SH3BP2: variants seen among roughly 807,000 people sequenced by gnomAD.
SH3BP2 encodes SH3 domain binding protein 2, also known as SH3 domain-binding protein 2.
Under a neutral mutation model 56.2 loss-of-function variants are expected in SH3BP2, and 38 were observed. The observed-to-expected ratio is 0.68, with a 90% confidence interval of 0.52 to 0.89. SH3BP2 has a LOEUF of 0.89. Ranked by LOEUF, SH3BP2 falls within the 40% of genes least tolerant of loss-of-function variation. SH3BP2 has a pLI of 0.00. For synonymous variants in SH3BP2, 346 were observed against 316.7 expected (o/e 1.09, Z -0.98); for missense variants, 748 against 762.6 (o/e 0.98, Z 0.23).
intron 1 of SH3BP2, chr4:2,812,302 G>C: frequency 1.3e-6 from 2 of 1,548,546 alleles, no homozygotes. Flanking sequence ...GAAGCAGCAG[G>C]AGTGAGCTGT....
intron 1 of SH3BP2, among the ~76,000 whole-genome samples, chr4:2,808,747 C>A (rs1441582472): frequency 1.3e-5 from 2 of 151,842 alleles, no homozygotes; most frequent in Non-Finnish European, 2.9e-5. Flanking sequence ...CTGGGGGTGC[C>A]CGCCTTCCCC....
intron 1 of SH3BP2, among the ~76,000 whole-genome samples, chr4:2,808,004 G>A (rs1291503037): frequency 6.6e-6 from 1 of 152,226 alleles, no homozygotes; most frequent in Non-Finnish European, 1.5e-5. Flanking sequence ...AGTGGAGCCT[G>A]CAGTTCATCC....
Position 2,831,515 on chromosome 4 carries a change from G to A in SH3BP2, c.1242-56G>A. On this transcript the variant is annotated intron_variant, in intron 8 of 12. Transcript: ENST00000503393. This position sits in a 1 kb window ranked among gnomAD's most constrained non-coding sequence, Gnocchi z 4.1. The stretch of plus-strand genomic sequence containing the variant: ...TGGAGTGGGGAGGGGAGCAGAGGGT[G>A]GCCGCCCCGTGTCTGACAGTGAAAT... 2.2e-6 allele frequency: 3 copies of A among 1,357,754 alleles called. No individual in the cohort carries two copies. The highest frequency in any genetic ancestry group is 3.1e-6 in the Non-Finnish European group (3 of 970,390). The allele number at this position is 1,357,754 out of a possible 1,614,324, so 84.1% of individuals were successfully genotyped here. A position where few individuals can be genotyped will look rare whatever the true frequency, so the allele number is the denominator to read the frequency against.
At position 2,796,501 on chromosome 4, in the gene SH3BP2, G is replaced by A. The variant is rs548896576; in HGVS notation, c.-5+3363G>A. ...GACTGGCCCTTTCTTCATGGATTCC[G>A]GTCACATCTGGTCCATCTTTGTCAG... On this transcript the variant is annotated intron_variant, in intron 1 of 12. Transcript: ENST00000503393. 21 of 964,776 alleles carry A rather than the reference G, an allele frequency of 2.2e-5. No homozygotes were observed. In the South Asian group the frequency reaches 4.8e-4, roughly 22 times the overall value. The allele number at this position is 964,776 out of a possible 1,614,324, so 59.8% of individuals were successfully genotyped here.
rs1050394380 is a variant in SH3BP2 at position 2,836,462 on chromosome 4, C to T, written c.*2628C>T. On this transcript the variant is annotated 3_prime_UTR_variant, in exon 13 of 13. Coordinates refer to ENST00000503393, the MANE Select transcript of SH3BP2 (RefSeq NM_001122681.2). ...GCTTGGAGAAGCAGCTGCTAGTAGA[C>T]CCATTTTACAGGTGAGAGAACCAAG... 1 of 152,234 alleles carries T rather than the reference C, an allele frequency of 6.6e-6. No individual in the cohort carries two copies. Among genetic ancestry groups the T allele is most frequent in the African/African-American group, 2.4e-5 (1 of 41,458 alleles). The allele number at this position is 152,234 out of a possible 1,614,324, so 9.4% of individuals were successfully genotyped here.
In SH3BP2 at chr4:2,829,633, G is replaced by T. The variant is rs774452284; in HGVS notation, c.727G>T (p.Gly243Cys). ...ACTGCCACCCCCGCCCCCTAAGCAC[G>T]GCCTCCCAGATGTTGGCCTGGCTGC... is the stretch of plus-strand genomic sequence containing the variant. Reference protein sequence around the residue: ...PLLPPPPPKHGLPDVGLAAED... With the variant: ...PLLPPPPPKHCLPDVGLAAED... Residue 243 changes from glycine to cysteine, a missense_variant, in exon 8 of 13, where the codon GGC becomes TGC. Gly to Cys is a radical substitution (Grantham distance 159, BLOSUM62 -3). Around this residue, in one of 3 missense-constraint regions of SH3BP2, gnomAD observed 635 missense variants for 615.0 expected, o/e 1.03. Transcript: ENST00000503393. The surrounding 1 kb of genome is among the most constrained non-coding windows in gnomAD (Gnocchi z 4.9). The T allele has an allele frequency of 1.2e-6, 2 of 1,606,370 alleles. No individual in the cohort carries two copies. The highest frequency in any genetic ancestry group is 3.3e-4 in the Middle Eastern group (2 of 6,040).
At position 2,812,287 on chromosome 4, in the gene SH3BP2, C is replaced by T; in HGVS notation, c.-4-8327C>T. ...GGGAGGAAGCACCGGCGGCCACAGGCCTCAGAAGCAGCAGGAGTGAGCTGT... is the reference window on the plus strand; with the variant it reads ...GGGAGGAAGCACCGGCGGCCACAGGTCTCAGAAGCAGCAGGAGTGAGCTGT... On this transcript the variant is annotated intron_variant, in intron 1 of 12. Coordinates refer to ENST00000503393, the MANE Select transcript of SH3BP2 (RefSeq NM_001122681.2). 3 of 1,544,796 alleles carry T rather than the reference C, an allele frequency of 1.9e-6. No homozygotes were observed. In the South Asian group the frequency reaches 3.6e-5, roughly 18 times the overall value.
In SH3BP2 at chr4:2,831,521, C is replaced by T; in HGVS notation, c.1242-50C>T. ...GGGGAGGGGAGCAGAGGGTGGCCGC[C>T]CCGTGTCTGACAGTGAAATGGTCCT... On this transcript the variant is annotated intron_variant, in intron 8 of 12. Coordinates refer to ENST00000503393, the MANE Select transcript of SH3BP2 (RefSeq NM_001122681.2). This position sits in a 1 kb window ranked among gnomAD's most constrained non-coding sequence, Gnocchi z 4.1. The T allele has an allele frequency of 7.0e-7, 1 of 1,427,824 alleles. No individual in the cohort carries two copies. The highest frequency in any genetic ancestry group is 2.5e-5 in the East Asian group (1 of 40,404). 88.4% of individuals were successfully genotyped at this position (1,427,824 alleles called of 1,614,324 possible). A position where few individuals can be genotyped will look rare whatever the true frequency, so the allele number is the denominator to read the frequency against.
chr4:2,822,802 C>T, intron 2 of SH3BP2, 133 bp from the exon 3 acceptor site: 1 of 728,246 alleles, frequency 1.4e-6, no homozygotes. Context: ...GCCAGCCTTG[C>T]TCCCTGCTCT....
intron 5 of SH3BP2, 61 bp from the exon 6 acceptor site, chr4:2,827,169 G>T (rs762628781): frequency 5.9e-6 from 8 of 1,346,330 alleles, no homozygotes; most frequent in African/African-American, 1.4e-5. Context: ...CTTTGTGTGA[G>T]CATCAAGGGA....
At chr4:2,830,178 C>T in intron 8 of SH3BP2, 31 bp downstream of exon 8, 2 of 1,586,736 alleles carry the variant, frequency 1.3e-6, no homozygotes, top group Non-Finnish European at 1.7e-6. Flanking sequence ...CAAGCCCTGC[C>T]TCCAGCTACA....
chr4:2,825,201 G>A lies in SH3BP2; in HGVS notation c.428+5G>A. The A allele has an allele frequency of 6.4e-7, 1 of 1,574,350 alleles. No homozygotes were observed. Among genetic ancestry groups the A allele is most frequent in the Non-Finnish European group, 8.6e-7 (1 of 1,159,574 alleles). ...AGACCTGCCCTTGGACACCAGGTGA[G>A]CCCGGGCCCAGGGCATACCGGGCAG... On this transcript the variant is annotated splice_donor_5th_base_variant and intron_variant, in intron 5 of 12. Transcript: ENST00000503393.
At chr4:2,832,706 G>A (rs964440629) in intron 11 of SH3BP2, among the ~76,000 whole-genome samples, 16 of 152,212 alleles carry the variant, frequency 1.1e-4, no homozygotes, top group Middle Eastern at 3.2e-3. Flanking sequence ...AGGTCTGCCC[G>A]TGTCCCTCCG....
intron 1 of SH3BP2, among the ~76,000 whole-genome samples, chr4:2,817,208 C>T (rs1483345088): frequency 1.3e-5 from 2 of 152,186 alleles, no homozygotes; most frequent in Non-Finnish European, 1.5e-5. Context: ...AGGTTTAGCA[C>T]TGAGCAGTGA....
Position 2,820,886 on chromosome 4 carries a change from T to A in SH3BP2, c.136+133T>A. 3 of 1,067,992 alleles carry A rather than the reference T, an allele frequency of 2.8e-6. 1 individual carries two copies. The South Asian group carries it at 4.8e-5, about 17-fold the overall frequency. 66.2% of individuals were successfully genotyped at this position (1,067,992 alleles called of 1,614,324 possible). On this transcript the variant is annotated intron_variant, in intron 2 of 12. Coordinates refer to ENST00000503393, the MANE Select transcript of SH3BP2 (RefSeq NM_001122681.2). The stretch of plus-strand genomic sequence containing the variant: ...CTGGATTTTCCCATTCCCTCTCTGG[T>A]GGCTGGCACCCCTGGAGAAGCAGAG...
At chr4:2,818,297 C>T in intron 1 of SH3BP2, 1 of 1,062,386 alleles carries the variant, frequency 9.4e-7, no homozygotes. Flanking sequence ...GCGGCGGCGG[C>T]CGGGGGACGC....
At chr4:2,800,425 G>A (rs1444619238) in intron 1 of SH3BP2, among the ~76,000 whole-genome samples, 2 of 152,194 alleles carry the variant, frequency 1.3e-5, no homozygotes, top group African/African-American at 4.8e-5. Context: ...AGCCTGCCCC[G>A]TGGCTGCTTC....
At chr4:2,818,303 G>T in intron 1 of SH3BP2, 2 of 1,082,236 alleles carry the variant, frequency 1.8e-6, no homozygotes, top group South Asian at 4.4e-5. Context: ...GCGGCCGGGG[G>T]ACGCGGCCCG....
intron 5 of SH3BP2, 68 bp downstream of exon 5, chr4:2,825,264 C>A: frequency 7.8e-7 from 1 of 1,286,298 alleles, no homozygotes; most frequent in South Asian, 1.3e-5. Context: ...ACCCGGGTGT[C>A]CGCCTCCCAG....
Sources: allele counts gnomAD v4.1 joint callset (sites outside exome capture counted in the v4.1 genomes callset), GRCh38; gene constraint gnomAD v4.1.1; regional missense constraint gnomAD v4.1.1; non-coding constraint Gnocchi (gnomAD v3.1); transcripts MANE v1.5; gene names NCBI Gene and HGNC (gene_info 2026-07-23, HGNC 2026-07-21).